Variants in ARID5B observed in about 807,000 individuals in gnomAD.
ARID5B encodes the protein AT-rich interactive domain-containing protein 5B.
A neutral mutation model predicts 97.2 loss-of-function variants in ARID5B; 13 were observed. The ratio of observed to expected loss-of-function variants is 0.13; its 90% confidence interval spans 0.09 to 0.21. The LOEUF is 0.21. Ranked by LOEUF, ARID5B falls within the 10% of genes least tolerant of loss-of-function variation. The pLI, the probability that ARID5B is intolerant of heterozygous loss-of-function variation, is 1.00. For synonymous variants in ARID5B, 556 were observed against 570.3 expected, an observed-to-expected ratio of 0.97 and a Z score of 0.36; for missense variants, 1,210 against 1,465.3, an observed-to-expected ratio of 0.83 and a Z score of 2.84.
chr10:62,047,679 C>A (rs1839727489), intron 4 of ARID5B, among the ~76,000 whole-genome samples: 1 of 152,130 alleles, frequency 6.6e-6, no homozygotes, highest in Non-Finnish European at 1.5e-5. Flanking sequence ...CTGTCTCTTA[C>A]ATGAGTGAAT....
At chr10:61,995,200 T>C (rs1372995469) in intron 3 of ARID5B, among the ~76,000 whole-genome samples, 7 of 152,224 alleles carry the variant, frequency 4.6e-5, no homozygotes, top group Non-Finnish European at 1.0e-4. Flanking sequence ...GAACACTTTG[T>C]TTGTCTTTTA....
intron 3 of ARID5B, among the ~76,000 whole-genome samples, chr10:61,958,316 G>A (rs1422085934): frequency 6.6e-6 from 1 of 151,910 alleles, no homozygotes; most frequent in African/African-American, 2.4e-5. Flanking sequence ...TGCAACCTCC[G>A]CCTCCCAGGT....
chr10:62,070,037 G>GC (rs1304150514), intron 8 of ARID5B, among the ~76,000 whole-genome samples: 1 of 129,190 alleles, frequency 7.7e-6, no homozygotes, highest in Non-Finnish European at 1.7e-5. Context: ...GCCTGACAAT[G>GC]CCTTTTTTTT....
At chr10:61,947,261 CT>C (rs199587188) in intron 3 of ARID5B, among the ~76,000 whole-genome samples, 254 of 124,170 alleles carry the variant, frequency 2.0e-3, no homozygotes, top group South Asian at 2.8e-3. Context: ...CACTTACTTT[CT>C]TTTTTTTTTT....
At chr10:62,002,061 G>C (rs1286587962) in intron 4 of ARID5B, among the ~76,000 whole-genome samples, 1 of 152,076 alleles carries the variant, frequency 6.6e-6, no homozygotes, top group Non-Finnish European at 1.5e-5. Context: ...TCCTGACACA[G>C]AATAAAACTG....
chr10:61,901,969 CTGAG>C (rs1454150286), intron 1 of ARID5B, among the ~76,000 whole-genome samples, 186 bp from the exon 2 acceptor site: 2 of 140,960 alleles, frequency 1.4e-5, no homozygotes, highest in Non-Finnish European at 3.1e-5. Context: ...GTGGGGGGCC[CTGAG>C]TTTTTTTTTT....
chr10:61,952,522 G>A (rs1379199794), intron 3 of ARID5B, among the ~76,000 whole-genome samples: 1 of 152,166 alleles, frequency 6.6e-6, no homozygotes, highest in Non-Finnish European at 1.5e-5. Flanking sequence ...TACCTAGTAG[G>A]TTAAGTAAAC....
chr10:62,081,881 C>T (rs185433100), intron 8 of ARID5B, among the ~76,000 whole-genome samples: 60 of 152,206 alleles, frequency 3.9e-4, no homozygotes, highest in African/African-American at 1.3e-3. Flanking sequence ...TTAGCAAAGC[C>T]GAAATCTTTT....
intron 4 of ARID5B, among the ~76,000 whole-genome samples, chr10:62,005,613 G>C (rs565506762): frequency 2.2e-4 from 34 of 152,218 alleles, no homozygotes; most frequent in Non-Finnish European, 4.0e-4. Flanking sequence ...TTCCAGTCCT[G>C]TTTTTCCTGT....
intron 4 of ARID5B, among the ~76,000 whole-genome samples, chr10:62,022,600 T>G (rs1839370658): frequency 6.6e-6 from 1 of 152,218 alleles, no homozygotes; most frequent in South Asian, 2.1e-4. Context: ...CACCCTTCTA[T>G]GTGTCCACAA....
chr10:61,950,831 T>C (rs759107404), intron 3 of ARID5B, among the ~76,000 whole-genome samples: 1 of 152,234 alleles, frequency 6.6e-6, no homozygotes, highest in Non-Finnish European at 1.5e-5. Flanking sequence ...CATTAGCCAC[T>C]GTATGATTAC....
rs777612375 is a variant in ARID5B, at chr10:61,909,318, GTTTTTTTT to G, written c.276+6923_276+6930del. On this transcript the variant is annotated intron_variant, in intron 2 of 9. Coordinates refer to ENST00000279873, the MANE Select transcript of ARID5B (RefSeq NM_032199.3). ...TGCAATATTTAGTGCTATTCAGTGA[GTTTTTTTT>G]TTTTTTTTTTTTTTTTTGAGACGGA... 6.5e-5 allele frequency among the ~76,000 whole-genome samples: 5 copies of G among 77,242 alleles called. No individual in the cohort carries two copies. In the East Asian group the frequency reaches 1.6e-3, roughly 25 times the overall value. 50.7% of individuals were successfully genotyped at this position (77,242 alleles called of 152,430 possible).
chr10:62,067,914 T>C (rs1301942229), intron 7 of ARID5B, among the ~76,000 whole-genome samples: 1 of 152,214 alleles, frequency 6.6e-6, no homozygotes, highest in East Asian at 1.9e-4. Flanking sequence ...ATCAGAGTGA[T>C]GGTTTCTTAA....
intron 4 of ARID5B, among the ~76,000 whole-genome samples, chr10:62,043,104 C>G (rs1421201427): frequency 1.3e-5 from 2 of 152,078 alleles, no homozygotes; most frequent in Non-Finnish European, 2.9e-5. Flanking sequence ...ACAAGGGGAC[C>G]CTCCACCAAG....
rs1589297707 is a variant in ARID5B at position 62,095,585 on chromosome 10, C to A, written c.*2555C>A. 4.3e-6 allele frequency: 1 copy of A among 233,450 alleles called. No individual in the cohort carries two copies. The highest frequency in any genetic ancestry group is 8.5e-6 in the Non-Finnish European group (1 of 117,932). 14.5% of individuals were successfully genotyped at this position (233,450 alleles called of 1,614,324 possible). A position where few individuals can be genotyped will look rare whatever the true frequency, so the allele number is the denominator to read the frequency against. ...TGTTTCTGTCTGAGGAAGCTCATACCCTCGGCAAAACATCAGGACAAATAA... is the reference window on the plus strand; with the variant it reads ...TGTTTCTGTCTGAGGAAGCTCATACACTCGGCAAAACATCAGGACAAATAA... On this transcript the variant is annotated 3_prime_UTR_variant, in exon 10 of 10. Coordinates refer to ENST00000279873, the MANE Select transcript of ARID5B (RefSeq NM_032199.3).
At position 61,907,795 on chromosome 10, in the gene ARID5B, T is replaced by C. The variant is rs183723282; in HGVS notation, c.276+5382T>C. Among the ~76,000 whole-genome samples the C allele has an allele frequency of 3.1e-4, 47 of 152,390 alleles. 1 individual carries two copies. The highest frequency in any genetic ancestry group is 8.3e-4 in the South Asian group (4 of 4,834). On this transcript the variant is annotated intron_variant, in intron 2 of 9. Transcript: ENST00000279873. ...ATAAAGTTTTATTGGAATGTGGCCATGCTAATTTGTTTATGGCTGCTCTCA... is the reference window on the plus strand; with the variant it reads ...ATAAAGTTTTATTGGAATGTGGCCACGCTAATTTGTTTATGGCTGCTCTCA...
At chr10:61,946,687 C>T (rs1007073211) in intron 3 of ARID5B, among the ~76,000 whole-genome samples, 7 of 152,150 alleles carry the variant, frequency 4.6e-5, no homozygotes, top group African/African-American at 1.7e-4. Flanking sequence ...CTTTGGGAGG[C>T]CAAGGCGGGT....
intron 3 of ARID5B, among the ~76,000 whole-genome samples, chr10:61,947,200 G>T (rs562527466): frequency 6.6e-6 from 1 of 150,774 alleles, no homozygotes; most frequent in Non-Finnish European, 1.5e-5. Context: ...ACAAGAATCT[G>T]CATCCAAGAT....
In ARID5B at chr10:62,000,866, T is replaced by C. The variant is rs992579704; in HGVS notation, c.733+545T>C. On this transcript the variant is annotated intron_variant, in intron 4 of 9. Transcript: ENST00000279873. This position sits in a 1 kb window ranked among gnomAD's most constrained non-coding sequence, Gnocchi z 4.4. ...ATAGATAGATAGATAGATAGATAGATAGATAGATGATAGGTGATAGATATC... is the reference window on the plus strand; with the variant it reads ...ATAGATAGATAGATAGATAGATAGACAGATAGATGATAGGTGATAGATATC... 1.3e-5 allele frequency among the ~76,000 whole-genome samples: 2 copies of C among 151,730 alleles called. No homozygotes were observed. The highest frequency in any genetic ancestry group is 3.4e-3 in the Middle Eastern group (1 of 292).
Sources: gnomAD v4.1 joint callset for allele counts (sites outside exome capture counted in the v4.1 genomes callset) on GRCh38, gnomAD v4.1.1 for gene constraint, Gnocchi (gnomAD v3.1) non-coding constraint, MANE v1.5 for transcripts, NCBI Gene and HGNC (gene_info 2026-07-23, HGNC 2026-07-21) for gene names.